Variants in TUBGCP5 observed in about 807,000 individuals in gnomAD.
TUBGCP5 encodes the protein tubulin gamma complex component 5.
In TUBGCP5, 98 loss-of-function variants were observed where a neutral mutation model predicts 134.7. The observed-to-expected ratio is 0.73, with a 90% CI of 0.62 to 0.86. The LOEUF (loss-of-function observed/expected upper bound fraction) is 0.86, where lower values mean the gene tolerates loss of function less well. Among genes scored for constraint, TUBGCP5 ranks in the 40% least tolerant of loss-of-function variants. TUBGCP5 has a pLI of 0.00. For synonymous variants in TUBGCP5, 456 were observed against 431.4 expected, an observed-to-expected ratio of 1.06 and a Z score of -0.71; for missense variants, 1,150 against 1,244.8, an observed-to-expected ratio of 0.92 and a Z score of 1.15.
At chr15:22,996,748 A>C (rs1036619450), downstream of TUBGCP5, 1 of 152,216 alleles carries the variant, frequency 6.6e-6, no homozygotes, top group Non-Finnish European at 1.5e-5. Flanking sequence ...TAGGCCTTCC[A>C]AAGTGCTGGG....
chr15:22,984,618 T>TAA (rs397763063), intron 23 of TUBGCP5, among the ~76,000 whole-genome samples: 34 of 150,010 alleles, frequency 2.3e-4, no homozygotes, highest in Non-Finnish European at 3.1e-4. Context: ...GACTCCGTGT[T>TAA]AAAAAAAAAA....
At chr15:23,019,111 AACTGTGCTTTCTCAGT>A in intron 12 of TUBGCP5, 92 bp downstream of exon 12, 1 of 717,168 alleles carries the variant, frequency 1.4e-6, no homozygotes, top group Non-Finnish European at 2.3e-6. Context: ...CTGTGATGTG[AACTGTGCTTTCTCAGT>A]ACTGTCTGAA....
chr15:23,002,657 G>C (rs796288500), intron 21 of TUBGCP5, among the ~76,000 whole-genome samples: 3 of 152,174 alleles, frequency 2.0e-5, no homozygotes, highest in South Asian at 2.1e-4. Flanking sequence ...GTGTGACTGG[G>C]GAGGTGGGCA....
chr15:23,037,349 T>G (rs2066651101), intron 1 of TUBGCP5, among the ~76,000 whole-genome samples, 197 bp from the exon 2 acceptor site: 1 of 152,102 alleles, frequency 6.6e-6, no homozygotes, highest in African/African-American at 2.4e-5. Context: ...GCATCCTTTC[T>G]CCAGCACACA....
rs7176295 is a variant in TUBGCP5, at chr15:22,999,515, C to T, written c.*305G>A. On this transcript the variant is annotated 3_prime_UTR_variant, in exon 23 of 23. Coordinates refer to ENST00000615383, the MANE Select transcript of TUBGCP5 (RefSeq NM_052903.6). ...TCCTGGGCTCAAGTAATCCTCCCAT[C>T]TTTGCCTCCTGAGTAGCTGGGACTA... 3.0e-6 allele frequency: 1 copy of T among 330,302 alleles called. No individual in the cohort carries two copies. The highest frequency in any genetic ancestry group is 5.8e-6 in the Non-Finnish European group (1 of 172,900). The allele number at this position is 330,302 out of a possible 1,614,324, so 20.5% of individuals were successfully genotyped here. A position where few individuals can be genotyped will look rare whatever the true frequency, so the allele number is the denominator to read the frequency against.
At chr15:23,026,609 T>A (rs1234475154) in intron 7 of TUBGCP5, among the ~76,000 whole-genome samples, 3 of 152,126 alleles carry the variant, frequency 2.0e-5, no homozygotes, top group Admixed American at 2.0e-4. Context: ...TGATTTTCAA[T>A]AACAAATAAT....
intron 11 of TUBGCP5, 27 bp downstream of exon 11, chr15:23,021,932 C>A: frequency 6.2e-7 from 1 of 1,610,644 alleles, no homozygotes. Context: ...CATGGAGTCA[C>A]ACACTTTAGG....
At chr15:23,038,110 T>C (rs1440216639) in intron 1 of TUBGCP5, among the ~76,000 whole-genome samples, 4 of 152,034 alleles carry the variant, frequency 2.6e-5, no homozygotes, top group Admixed American at 1.3e-4. Context: ...TTTCTGATGG[T>C]TTAAAGCATC....
intron 3 of TUBGCP5, among the ~76,000 whole-genome samples, chr15:23,033,486 C>T (rs2066427188): frequency 6.6e-6 from 1 of 152,120 alleles, no homozygotes; most frequent in South Asian, 2.1e-4. Flanking sequence ...ACCATGTTGG[C>T]CAGGATGGTC....
Position 23,004,246 on chromosome 15 carries a change from A to G in TUBGCP5, c.2713-19T>C, listed in dbSNP as rs2140421394. ...GTAGAATCTTGGAAGAGAAAGATAA[A>G]AAGCTTCATCAGCAGCCTTCTTTGA... On this transcript the variant is annotated intron_variant, in intron 19 of 22. Transcript: ENST00000615383. 1.2e-6 allele frequency: 2 copies of G among 1,602,628 alleles called. No individual in the cohort carries two copies. Among genetic ancestry groups the G allele is most frequent in the Non-Finnish European group, 1.7e-6 (2 of 1,176,864 alleles).
downstream of TUBGCP5, chr15:22,997,087 G>C (rs546957550): frequency 2.6e-5 from 4 of 152,312 alleles, no homozygotes; most frequent in Admixed American, 2.6e-4. Context: ...GTTCCTGAAA[G>C]GGGCTAAGGG....
At chr15:22,995,117 G>A (rs867272748), downstream of TUBGCP5, among the ~76,000 whole-genome samples, 26 of 152,050 alleles carry the variant, frequency 1.7e-4, no homozygotes, top group African/African-American at 5.5e-4. Flanking sequence ...GATGGTGTGC[G>A]TCTGTGGTCC....
intron 14 of TUBGCP5, among the ~76,000 whole-genome samples, chr15:23,010,922 A>G (rs979735056): frequency 2.0e-5 from 3 of 151,868 alleles, no homozygotes; most frequent in African/African-American, 7.3e-5. Flanking sequence ...AGGTTGCAGC[A>G]GTCAGCCAAG....
intron 14 of TUBGCP5, 124 bp downstream of exon 14, chr15:23,011,009 A>G: frequency 4.4e-6 from 4 of 917,740 alleles, no homozygotes; most frequent in South Asian, 1.7e-5. Context: ...AAGGAAAAAG[A>G]AAAAAGAAAG....
At chr15:23,002,969 G>A in intron 21 of TUBGCP5, 96 bp downstream of exon 21, 1 of 1,223,506 alleles carries the variant, frequency 8.2e-7, no homozygotes, top group East Asian at 2.4e-5. Context: ...TCTCCTCTCA[G>A]CCTCCTGAAT....
intron 14 of TUBGCP5, 30 bp downstream of exon 14, chr15:23,011,103 A>G (rs567863447): frequency 5.0e-6 from 8 of 1,607,286 alleles, no homozygotes; most frequent in Non-Finnish European, 6.8e-6. Context: ...TGCCATTTCA[A>G]TTACTGATAA....
Position 23,032,822 on chromosome 15 carries a change from T to C in TUBGCP5, c.312A>G (p.Thr104=). The C allele has an allele frequency of 6.4e-7, 1 of 1,562,020 alleles. No homozygotes were observed. The highest frequency in any genetic ancestry group is 8.6e-7 in the Non-Finnish European group (1 of 1,159,610). ...APLPSIKEIK[T]DAHYSILSLL... ...GTGACAGTATGGAATAATGTGCATCTGTCTTTAAAACAAAAAAAAGAACAT... is the reference window on the plus strand; with the variant it reads ...GTGACAGTATGGAATAATGTGCATCCGTCTTTAAAACAAAAAAAAGAACAT... Residue 104 remains threonine, a splice_region_variant and synonymous_variant, in exon 4 of 23, where the codon ACA becomes ACG. Transcript: ENST00000615383.
At chr15:22,993,919 G>A (rs988056738) in intron 23 of TUBGCP5, among the ~76,000 whole-genome samples, 3 of 151,974 alleles carry the variant, frequency 2.0e-5, no homozygotes, top group Admixed American at 6.6e-5. Context: ...GGGCTCAAGC[G>A]ATTCGCCTGC....
At chr15:23,028,803 G>A (rs539454205) in intron 6 of TUBGCP5, among the ~76,000 whole-genome samples, 1 of 152,240 alleles carries the variant, frequency 6.6e-6, no homozygotes, top group African/African-American at 2.4e-5. Context: ...TGCTGGGCCA[G>A]AAAAGAGATT....
Sources: allele counts gnomAD v4.1 joint callset (sites outside exome capture counted in the v4.1 genomes callset), GRCh38; gene constraint gnomAD v4.1.1; transcripts MANE v1.5; gene names NCBI Gene and HGNC (gene_info 2026-07-23, HGNC 2026-07-21).